The following ZNF28 variants were observed in gnomAD, a reference collection of about 807,000 sequenced individuals.
ZNF28 encodes the protein zinc finger protein 28.
Under a neutral mutation model 7.2 loss-of-function variants are expected in ZNF28, and 5 were observed. The observed-to-expected ratio is 0.70, with a 90% confidence interval of 0.36 to 1.46. The LOEUF is 1.46. ZNF28 is among the 40% of genes most tolerant of loss of function. ZNF28 has a pLI of 0.03. For missense variants in ZNF28, 879 were observed against 866.6 expected (o/e 1.01, Z -0.18); for synonymous variants, 288 against 292.4 (o/e 0.99, Z 0.15).
rs2062838391 is a variant in ZNF28 at position 52,799,837 on chromosome 19, T to C, written c.2008A>G (p.Lys670Glu). Residue 670 changes from lysine (K) to glutamate (E), a missense_variant, in exon 4 of 4, where the codon AAG becomes GAG. Lys to Glu is a moderately conservative substitution (Grantham distance 56, BLOSUM62 1). Coordinates refer to ENST00000457749, the MANE Select transcript of ZNF28 (RefSeq NM_006969.5). ...EKPYKCNECGKVFNQQAHLAQ... is the reference protein window; with the variant it reads ...EKPYKCNECGEVFNQQAHLAQ... ...AGGTGTGCTTGTTGATTAAAAACCT[T>C]GCCACATTCATTACACTTGTAAGGT... is the stretch of plus-strand genomic sequence containing the variant. 4 of 1,614,024 alleles carry C rather than the reference T, an allele frequency of 2.5e-6. No homozygotes were observed. In the South Asian group the frequency reaches 4.4e-5, roughly 18 times the overall value.
chr19:52,811,225 G>A (rs952359914), intron 2 of ZNF28, among the ~76,000 whole-genome samples: 64 of 151,426 alleles, frequency 4.2e-4, no homozygotes, highest in Non-Finnish European at 8.1e-4. Flanking sequence ...GTGCAGCGGC[G>A]TGATCTCGGC....
intron 2 of ZNF28, chr19:52,810,296 G>A (rs1490369873): frequency 1.3e-6 from 2 of 1,525,240 alleles, no homozygotes; most frequent in East Asian, 4.5e-5. Context: ...AGAAGATGGA[G>A]GCTGATGCCC....
At position 52,799,835 on chromosome 19, in the gene ZNF28, C is replaced by G. The variant is rs894190729; in HGVS notation, c.2010G>C (p.Lys670Asn). Residue 670 changes from lysine to asparagine, a missense_variant, in exon 4 of 4, where the codon AAG becomes AAC. Lys to Asn is a moderately conservative substitution (Grantham distance 94, BLOSUM62 0). This residue lies in a region of ZNF28 where 864 missense variants were observed against 830.2 expected (regional missense o/e 1.04). Coordinates refer to ENST00000457749, the MANE Select transcript of ZNF28 (RefSeq NM_006969.5). Reference protein sequence around the residue: ...EKPYKCNECGKVFNQQAHLAQ... With the variant: ...EKPYKCNECGNVFNQQAHLAQ... ...CAAGGTGTGCTTGTTGATTAAAAACCTTGCCACATTCATTACACTTGTAAG... is the reference window on the plus strand; with the variant it reads ...CAAGGTGTGCTTGTTGATTAAAAACGTTGCCACATTCATTACACTTGTAAG... The G allele has an allele frequency of 1.2e-6, 2 of 1,613,906 alleles. No individual in the cohort carries two copies. Among genetic ancestry groups the G allele is most frequent in the Non-Finnish European group, 1.7e-6 (2 of 1,179,966 alleles).
At position 52,799,508 on chromosome 19, in the gene ZNF28, T is replaced by A; in HGVS notation, c.*180A>T. ...TTTTTTGATTAAAAACCTTGCCACATTCATTACACTTGTAAAGTTTCTCTC... is the reference window on the plus strand; with the variant it reads ...TTTTTTGATTAAAAACCTTGCCACAATCATTACACTTGTAAAGTTTCTCTC... On this transcript the variant is annotated 3_prime_UTR_variant, in exon 4 of 4. Coordinates refer to ENST00000457749, the MANE Select transcript of ZNF28 (RefSeq NM_006969.5). 8.5e-7 allele frequency: 1 copy of A among 1,174,682 alleles called. No individual in the cohort carries two copies. Among genetic ancestry groups the A allele is most frequent in the Non-Finnish European group, 1.2e-6 (1 of 801,516 alleles). The allele number at this position is 1,174,682 out of a possible 1,614,324, so 72.8% of individuals were successfully genotyped here.
rs12462522 is a variant in ZNF28, at chr19:52,800,492, T to C, written c.1353A>G (p.Gln451=). The part of the protein sequence containing the change: ...CNECGKVFNQ[Q]STLARHHRLH... ...GTCTATGATGGCGTGCAAGAGTTGATTGTTGATTAAAAACCTTGCCACATT... is the reference window on the plus strand; with the variant it reads ...GTCTATGATGGCGTGCAAGAGTTGACTGTTGATTAAAAACCTTGCCACATT... Residue 451 remains glutamine, a synonymous_variant, in exon 4 of 4, where the codon CAA becomes CAG. Transcript: ENST00000457749. 0.053 allele frequency: 85,593 copies of C among 1,612,960 alleles called. 4,877 individuals carry two copies. The highest frequency in any genetic ancestry group is 0.19 in the African/African-American group (14,533 of 74,648).
chr19:52,805,433 G>C (rs937591197), intron 3 of ZNF28: 4 of 151,584 alleles, frequency 2.6e-5, no homozygotes, highest in African/African-American at 9.7e-5. Flanking sequence ...GACTATCCTG[G>C]CCAACCAACA....
chr19:52,798,980 G>T lies in ZNF28; in HGVS notation c.*708C>A. On this transcript the variant is annotated 3_prime_UTR_variant, in exon 4 of 4. Transcript: ENST00000457749. ...AATTCTAGTATGGTGTGCCAGGTGT[G>T]AATCACTCCCAAAAGCCTTGTTACA... The T allele has an allele frequency of 9.0e-7, 1 of 1,111,898 alleles. No homozygotes were observed. The highest frequency in any genetic ancestry group is 1.3e-6 in the Non-Finnish European group (1 of 789,168). 68.9% of individuals were successfully genotyped at this position (1,111,898 alleles called of 1,614,324 possible). A position where few individuals can be genotyped will look rare whatever the true frequency, so the allele number is the denominator to read the frequency against.
intron 3 of ZNF28, 151 bp downstream of exon 3, chr19:52,807,856 G>T: frequency 8.1e-7 from 1 of 1,236,972 alleles, no homozygotes; most frequent in East Asian, 2.4e-5. Context: ...AAACAAAGGG[G>T]ACAGTGAAAG....
Position 52,800,714 on chromosome 19 carries a change from A to G in ZNF28, c.1131T>C (p.His377=). The G allele has an allele frequency of 1.2e-6, 2 of 1,613,930 alleles. No homozygotes were observed. The highest frequency in any genetic ancestry group is 1.7e-6 in the Non-Finnish European group (2 of 1,179,986). The change falls in exon 4 of 4, where the codon CAT becomes CAC. Residue 377 remains histidine, a synonymous_variant. Coordinates refer to ENST00000457749, the MANE Select transcript of ZNF28 (RefSeq NM_006969.5). ...LSTLARHRRL[H]TGEKPYECEE... ...CACATTCATAAGGTTTCTCTCCAGT[A>G]TGAAGCCTACGATGGCGTGCAAGGG...
At chr19:52,801,952 C>T (rs1829287178) in intron 3 of ZNF28, among the ~76,000 whole-genome samples, 1 of 152,074 alleles carries the variant, frequency 6.6e-6, no homozygotes, top group East Asian at 1.9e-4. Context: ...CATGTGTGAG[C>T]CTAAAGTAAG....
In ZNF28 at chr19:52,813,249, GAAAAAAAAAA is replaced by G. The variant is rs71183837; in HGVS notation, c.15+4685_15+4694del. Among the ~76,000 whole-genome samples, 3 of 62,984 alleles carry G rather than the reference GAAAAAAAAAA, an allele frequency of 4.8e-5. 1 individual carries two copies. Among genetic ancestry groups the G allele is most frequent in the Non-Finnish European group, 8.3e-5 (3 of 36,280 alleles). The allele number at this position is 62,984 out of a possible 152,430, so 41.3% of individuals were successfully genotyped here. On this transcript the variant is annotated intron_variant, in intron 2 of 3. Coordinates refer to ENST00000457749, the MANE Select transcript of ZNF28 (RefSeq NM_006969.5). ...TATGAAGATTAAAAACTTGAATGGTGAAAAAAAAAAAAAAAAAAAAAAGACATACTGTGGA... is the reference window on the plus strand; with the variant it reads ...TATGAAGATTAAAAACTTGAATGGTGAAAAAAAAAAAAGACATACTGTGGA...
chr19:52,800,366 T>C lies in ZNF28; in HGVS notation c.1479A>G (p.Lys493=). 2 of 1,614,098 alleles carry C rather than the reference T, an allele frequency of 1.2e-6. No homozygotes were observed. Among genetic ancestry groups the C allele is most frequent in the Non-Finnish European group, 1.7e-6 (2 of 1,180,012 alleles). The change falls in exon 4 of 4, where the codon AAA becomes AAG. Residue 493 remains lysine, a synonymous_variant. Transcript: ENST00000457749. ...TGTCACAAACCTTACATTTGTATGG[T>C]TTCTCTCCAGTATGAATCCTCCTAT... ...ERHRRIHTGE[K]PYKCKVCDKA... is the part of the protein sequence containing the mutation.
Position 52,799,736 on chromosome 19 carries a change from C to T in ZNF28, c.2109G>A (p.Met703Ile). ...GTCTATGATGGTATACAAGGTTTGA[C>T]ATCTGACTGAAGGTCTTGCCACACT... Reference protein sequence around the residue: ...CNECGKTFSQMSNLVYHHRLH... With the variant: ...CNECGKTFSQISNLVYHHRLH... Residue 703 changes from methionine to isoleucine, a missense_variant, in exon 4 of 4, where the codon ATG becomes ATA. Met to Ile is a conservative substitution (Grantham distance 10, BLOSUM62 1). Coordinates refer to ENST00000457749, the MANE Select transcript of ZNF28 (RefSeq NM_006969.5). 1.2e-6 allele frequency: 2 copies of T among 1,612,136 alleles called. No individual in the cohort carries two copies. Among genetic ancestry groups the T allele is most frequent in the Non-Finnish European group, 1.7e-6 (2 of 1,179,372 alleles).
intron 2 of ZNF28, among the ~76,000 whole-genome samples, chr19:52,811,301 GC>G (rs1159178357): frequency 6.6e-6 from 1 of 151,068 alleles, no homozygotes; most frequent in East Asian, 1.9e-4. Context: ...TGCAGCCTCT[GC>G]CCGGCCGCCA....
intron 2 of ZNF28, chr19:52,809,865 C>T: frequency 1.5e-6 from 1 of 662,938 alleles, no homozygotes. Context: ...TAGCACTGGG[C>T]CTGCGGGCGG....
rs763057095 is a variant in ZNF28 at position 52,800,355 on chromosome 19, C to T, written c.1490G>A (p.Cys497Tyr). The change falls in exon 4 of 4, where the codon TGT (cysteine) becomes TAT (tyrosine). Residue 497 changes from cysteine to tyrosine, a missense_variant. Cys to Tyr is a radical substitution (Grantham distance 194, BLOSUM62 -2). This residue lies in a region of ZNF28 where 864 missense variants were observed against 830.2 expected (regional missense o/e 1.04). Coordinates refer to ENST00000457749, the MANE Select transcript of ZNF28 (RefSeq NM_006969.5). ...RIHTGEKPYK[C>Y]KVCDKAFRSD... is the part of the protein sequence containing the mutation. ...CCGGAAAGCCTTGTCACAAACCTTA[C>T]ATTTGTATGGTTTCTCTCCAGTATG... The T allele has an allele frequency of 2.5e-6, 4 of 1,613,980 alleles. No homozygotes were observed. Among genetic ancestry groups the T allele is most frequent in the Non-Finnish European group, 1.7e-6 (2 of 1,179,994 alleles).
intron 2 of ZNF28, chr19:52,810,560 G>A: frequency 6.3e-7 from 1 of 1,594,418 alleles, no homozygotes; most frequent in Non-Finnish European, 8.6e-7. Context: ...CAGCACAACA[G>A]ACCGGGGTCT....
At chr19:52,812,307 G>A (rs1479712516) in intron 2 of ZNF28, among the ~76,000 whole-genome samples, 1 of 141,696 alleles carries the variant, frequency 7.1e-6, no homozygotes, top group Non-Finnish European at 1.5e-5. Context: ...GACAATGGCG[G>A]TTTTGTGGAA....
At chr19:52,808,963 TAA>T (rs917164532) in intron 2 of ZNF28, among the ~76,000 whole-genome samples, 1 of 152,190 alleles carries the variant, frequency 6.6e-6, no homozygotes, top group Non-Finnish European at 1.5e-5. Flanking sequence ...TTTCAAAATA[TAA>T]AAGATTTTCA....
Sources: allele counts gnomAD v4.1 joint callset (sites outside exome capture counted in the v4.1 genomes callset), GRCh38; gene constraint gnomAD v4.1.1; regional missense constraint gnomAD v4.1.1; transcripts MANE v1.5; gene names NCBI Gene and HGNC (gene_info 2026-07-23, HGNC 2026-07-21).